The following DCHS2 variants were observed in gnomAD, a reference collection of about 807,000 sequenced individuals.
DCHS2 encodes dachsous cadherin-related 2.
DCHS2 carries 142 observed loss-of-function variants against 182.4 expected under a neutral mutation model. The ratio of observed to expected loss-of-function variants is 0.78; its 90% CI spans 0.68 to 0.89. DCHS2 has a LOEUF of 0.89. Among genes scored for constraint, DCHS2 ranks in the 40% least tolerant of loss-of-function variants. The probability of loss-of-function intolerance (pLI) is 0.00; values close to 1 mark genes in which losing one functional copy is unlikely to be tolerated. For synonymous variants in DCHS2, 1,740 were observed against 1,663.3 expected (o/e 1.05, Z -1.12); for missense variants, 4,319 against 4,198.6 (o/e 1.03, Z -0.79).
rs1731393412 is a variant in DCHS2 at position 154,235,081 on chromosome 4, C to G, written c.9571G>C (p.Glu3191Gln). 6.2e-7 allele frequency: 1 copy of G among 1,614,000 alleles called. No individual in the cohort carries two copies. The highest frequency in any genetic ancestry group is 8.5e-7 in the Non-Finnish European group (1 of 1,179,958). The change falls in exon 20 of 20, where the codon GAG becomes CAG. Residue 3191 changes from glutamate (E) to glutamine (Q), a missense_variant. Transcript: ENST00000357232. ...TCAGCCAGGATGCTCTCTTTTGCCT[C>G]TCTCTTCTGAACTGTCTGGGGTAAC... ...NVLPQTVQKR[E>Q]AKESILADVR...
chr4:154,370,438 A>G (rs1730590600), intron 2 of DCHS2, among the ~76,000 whole-genome samples: 1 of 152,204 alleles, frequency 6.6e-6, no homozygotes, highest in Non-Finnish European at 1.5e-5. Flanking sequence ...GAAAAGGTAC[A>G]TGACATCAAA....
rs1217957628 is a variant in DCHS2, at chr4:154,236,208, G to A, written c.8444C>T (p.Thr2815Ile). 1 of 1,613,926 alleles carries A rather than the reference G, an allele frequency of 6.2e-7. No individual in the cohort carries two copies. Among genetic ancestry groups the A allele is most frequent in the African/African-American group, 1.3e-5 (1 of 75,026 alleles). ...ATCATGATCATAAGACATTCCATGA[G>A]TGAGAAAACAGGGTGATACAATAGA... is the stretch of plus-strand genomic sequence containing the variant. ...TYSIVSPCFL[T>I]HGMSYDHDLF... The change falls in exon 20 of 20, where the codon ACT (threonine) becomes ATT (isoleucine). Residue 2815 changes from threonine (T) to isoleucine (I), a missense_variant. Physicochemically the swap from Thr to Ile is moderately conservative, Grantham distance 89. Transcript: ENST00000357232.
chr4:154,461,464 C>G (rs940331901), intron 1 of DCHS2, among the ~76,000 whole-genome samples: 1 of 152,004 alleles, frequency 6.6e-6, no homozygotes, highest in Non-Finnish European at 1.5e-5. Context: ...TTATATTTAT[C>G]TACCCTTTAA....
Position 154,491,502 on chromosome 4 carries a change from G to A in DCHS2, c.-147C>T. The stretch of plus-strand genomic sequence containing the variant: ...AACCGACGGCCCAGGAATTCCCGAG[G>A]TTACATCTGCAACTGGTGAAAGCGT... On this transcript the variant is annotated 5_prime_UTR_variant, in exon 1 of 20. Coordinates refer to ENST00000357232, the MANE Select transcript of DCHS2 (RefSeq NM_001358235.2). The A allele has an allele frequency of 2.1e-6, 3 of 1,403,108 alleles. No homozygotes were observed. The highest frequency in any genetic ancestry group is 2.8e-6 in the Non-Finnish European group (3 of 1,084,716). The allele number at this position is 1,403,108 out of a possible 1,614,324, so 86.9% of individuals were successfully genotyped here. A position where few individuals can be genotyped will look rare whatever the true frequency, so the allele number is the denominator to read the frequency against.
chr4:154,477,513 G>C (rs1735736736), intron 1 of DCHS2, among the ~76,000 whole-genome samples: 2 of 152,200 alleles, frequency 1.3e-5, no homozygotes, highest in Admixed American at 1.3e-4. Context: ...GAGGCAGGCA[G>C]AATGGATTAG....
intron 1 of DCHS2, among the ~76,000 whole-genome samples, chr4:154,424,774 A>G (rs1733254098): frequency 6.6e-6 from 1 of 152,130 alleles, no homozygotes; most frequent in African/African-American, 2.4e-5. Flanking sequence ...AAACAGAAAG[A>G]TTATCTTCAT....
intron 2 of DCHS2, chr4:154,373,921 T>G: frequency 6.2e-7 from 1 of 1,605,732 alleles, no homozygotes; most frequent in Non-Finnish European, 8.5e-7. Flanking sequence ...GTTCCTTACC[T>G]TCACCAGGGC....
chr4:154,353,863 T>C (rs1161047988), intron 3 of DCHS2, among the ~76,000 whole-genome samples: 1 of 152,226 alleles, frequency 6.6e-6, no homozygotes, highest in Non-Finnish European at 1.5e-5. Flanking sequence ...GATCTAAGAA[T>C]TGCATTTTTA....
chr4:154,234,440 G>A lies in DCHS2; in HGVS notation c.*96C>T. 7.1e-7 allele frequency: 1 copy of A among 1,415,990 alleles called. No homozygotes were observed. Among genetic ancestry groups the A allele is most frequent in the Admixed American group, 3.0e-5 (1 of 33,450 alleles). 87.7% of individuals were successfully genotyped at this position (1,415,990 alleles called of 1,614,324 possible). A position where few individuals can be genotyped will look rare whatever the true frequency, so the allele number is the denominator to read the frequency against. On this transcript the variant is annotated 3_prime_UTR_variant, in exon 20 of 20. Coordinates refer to ENST00000357232, the MANE Select transcript of DCHS2 (RefSeq NM_001358235.2). ...AACTAAATTACATCACTTGCTTTTA[G>A]ATAAAAATGAGCCCAATCTCGAGTT...
At chr4:154,452,619 A>C (rs1734582116) in intron 1 of DCHS2, among the ~76,000 whole-genome samples, 2 of 151,426 alleles carry the variant, frequency 1.3e-5, no homozygotes, top group South Asian at 4.2e-4. Flanking sequence ...GCAAGACTCC[A>C]TCGCAAAAAC....
At chr4:154,351,802 C>T (rs1274561271) in intron 3 of DCHS2, among the ~76,000 whole-genome samples, 2 of 152,118 alleles carry the variant, frequency 1.3e-5, no homozygotes, top group Non-Finnish European at 2.9e-5. Flanking sequence ...GCCGATCTGA[C>T]AGGAGGTAGA....
intron 1 of DCHS2, among the ~76,000 whole-genome samples, chr4:154,466,732 T>C (rs980315046): frequency 7.9e-5 from 12 of 152,214 alleles, no homozygotes; most frequent in African/African-American, 2.7e-4. Flanking sequence ...TATTCAATAT[T>C]TTTATTAATC....
chr4:154,284,503 A>G (rs1400836041), intron 13 of DCHS2: 1 of 152,224 alleles, frequency 6.6e-6, no homozygotes, highest in Non-Finnish European at 1.5e-5. Context: ...GAGTGTAGGG[A>G]CAGTCTTGAA....
intron 1 of DCHS2, among the ~76,000 whole-genome samples, chr4:154,486,248 T>C (rs1728581545): frequency 1.3e-5 from 2 of 152,114 alleles, no homozygotes; most frequent in South Asian, 4.1e-4. Context: ...TTTGGAAAGG[T>C]CTCGTCAGGG....
intron 1 of DCHS2, among the ~76,000 whole-genome samples, chr4:154,439,766 C>G (rs1339705138): frequency 1.3e-5 from 2 of 152,048 alleles, no homozygotes; most frequent in Admixed American, 6.6e-5. Flanking sequence ...GTAACAAAAT[C>G]CAGAGGTGTA....
chr4:154,391,064 C>T, intron 1 of DCHS2: 2 of 986,476 alleles, frequency 2.0e-6, no homozygotes, highest in Non-Finnish European at 2.9e-6. Flanking sequence ...TTCCCTGAAG[C>T]TCAGAAGTAA....
chr4:154,418,390 G>A (rs1414278056), intron 1 of DCHS2, among the ~76,000 whole-genome samples: 1 of 152,174 alleles, frequency 6.6e-6, no homozygotes, highest in African/African-American at 2.4e-5. Flanking sequence ...GAAGCCCCTT[G>A]CAAGGTGTCG....
intron 1 of DCHS2, among the ~76,000 whole-genome samples, chr4:154,421,689 C>T (rs554667077): frequency 4.6e-5 from 7 of 152,274 alleles, no homozygotes; most frequent in Non-Finnish European, 1.0e-4. Context: ...CCACCACGCC[C>T]GAACTCATCT....
rs1305442284 is a variant in DCHS2 at position 154,315,886 on chromosome 4, G to GTGT, written c.5121_5122insACA (p.Ser1707_Gln1708insThr). ...TCAAGAACAGTAACTGTCAAAGTCT[G>GTGT]GGATGAAGAAAGTGCTGGTGTGCCA... On this transcript the variant is annotated inframe_insertion, in exon 10 of 20. Coordinates refer to ENST00000357232, the MANE Select transcript of DCHS2 (RefSeq NM_001358235.2). The GTGT allele has an allele frequency of 6.2e-7, 1 of 1,613,944 alleles. No homozygotes were observed. Among genetic ancestry groups the GTGT allele is most frequent in the South Asian group, 1.1e-5 (1 of 91,074 alleles).
Sources: allele counts gnomAD v4.1 joint callset (sites outside exome capture counted in the v4.1 genomes callset), GRCh38; gene constraint gnomAD v4.1.1; transcripts MANE v1.5; gene names NCBI Gene and HGNC (gene_info 2026-07-23, HGNC 2026-07-21).